The following CNGB3 variants were observed in gnomAD, a reference collection of about 807,000 sequenced individuals.
CNGB3 encodes cyclic nucleotide-gated channel beta-3.
In CNGB3, 86 loss-of-function variants were observed where a neutral mutation model predicts 92.8. That is an observed-to-expected ratio of 0.93 (90% CI 0.78 to 1.11). CNGB3 has a LOEUF of 1.11. Among genes scored for constraint, CNGB3 ranks in the 50% least tolerant of loss-of-function variants. The pLI is 0.00. For missense variants in CNGB3, 1,026 were observed against 956.8 expected (o/e 1.07, Z -0.95); for synonymous variants, 333 against 332.7 (o/e 1.00, Z -0.01).
Position 86,709,279 on chromosome 8 carries a change from T to G in CNGB3, c.338+17252A>C, listed in dbSNP as rs1236274299. Among the ~76,000 whole-genome samples, 8 of 152,212 alleles carry G rather than the reference T, an allele frequency of 5.3e-5. No homozygotes were observed. The East Asian group carries it at 1.5e-3, about 29-fold the overall frequency. On this transcript the variant is annotated intron_variant, in intron 3 of 17. Transcript: ENST00000320005. Reference sequence around the variant, plus strand: ...CACAGACACATGTTACATTTGCCGGTGGAAGCATGTGGATTTTTTCCTCTA... The same window carrying G: ...CACAGACACATGTTACATTTGCCGGGGGAAGCATGTGGATTTTTTCCTCTA...
At chr8:86,733,810 G>C (rs1825199592) in intron 2 of CNGB3, among the ~76,000 whole-genome samples, 1 of 152,104 alleles carries the variant, frequency 6.6e-6, no homozygotes, top group Non-Finnish European at 1.5e-5. Flanking sequence ...CTGAAGAGTG[G>C]TTTCCTATTT....
chr8:86,712,504 A>G (rs1824767669), intron 3 of CNGB3, among the ~76,000 whole-genome samples: 1 of 152,068 alleles, frequency 6.6e-6, no homozygotes, highest in Non-Finnish European at 1.5e-5. Context: ...AGATTTTTCC[A>G]TATGGCTACT....
At position 86,576,075 on chromosome 8, in the gene CNGB3, T is replaced by A. The variant is rs112573107; in HGVS notation, c.2159A>T (p.Gln720Leu). The change falls in exon 18 of 18, where the codon CAA (glutamine) becomes CTA (leucine). Residue 720 changes from glutamine to leucine, a missense_variant. Coordinates refer to ENST00000320005, the MANE Select transcript of CNGB3 (RefSeq NM_019098.5). ...EEEGKENEDK[Q>L]KENEDKQKEN... ...TTTTTGTTTATCTTCATTTTCTTTT[T>A]GTTTATCTTCATTTTCTTTTCCTTC... 3.1e-6 allele frequency: 5 copies of A among 1,602,020 alleles called. No individual in the cohort carries two copies. The highest frequency in any genetic ancestry group is 4.3e-6 in the Non-Finnish European group (5 of 1,174,530).
rs1199683568 is a variant in CNGB3 at position 86,604,117 on chromosome 8, G to C, written c.1757C>G (p.Ala586Gly). ...DGTKVLVTLK[A>G]GSVFGEISLL... is the part of the protein sequence containing the mutation. ...CCTGATTTCTCCAAACACCGACCCA[G>C]CTTTCAGAGTAACCAGAACTTTAGT... Residue 586 changes from alanine (A) to glycine (G), a missense_variant, in exon 15 of 18, where the codon GCT becomes GGT. Coordinates refer to ENST00000320005, the MANE Select transcript of CNGB3 (RefSeq NM_019098.5). The C allele has an allele frequency of 1.2e-6, 2 of 1,612,532 alleles. No homozygotes were observed. Among genetic ancestry groups the C allele is most frequent in the South Asian group, 2.2e-5 (2 of 91,042 alleles).
At chr8:86,709,188 C>A (rs1824705185) in intron 3 of CNGB3, among the ~76,000 whole-genome samples, 1 of 152,062 alleles carries the variant, frequency 6.6e-6, no homozygotes, top group South Asian at 2.1e-4. Flanking sequence ...AGGAGGTGGC[C>A]TTAGATGCAA....
intron 15 of CNGB3, among the ~76,000 whole-genome samples, chr8:86,595,651 A>T (rs1305277075): frequency 6.6e-6 from 1 of 152,134 alleles, no homozygotes; most frequent in Non-Finnish European, 1.5e-5. Flanking sequence ...CTCTGCTCAT[A>T]CTTTTAATCT....
intron 3 of CNGB3, among the ~76,000 whole-genome samples, chr8:86,726,283 T>G (rs1466469188): frequency 1.3e-5 from 2 of 152,176 alleles, no homozygotes; most frequent in Non-Finnish European, 2.9e-5. Context: ...AGCAATATTT[T>G]TGTTGTGATT....
intron 15 of CNGB3, among the ~76,000 whole-genome samples, chr8:86,588,450 A>G (rs1821942883): frequency 7.2e-6 from 1 of 139,116 alleles, no homozygotes; most frequent in African/African-American, 2.8e-5. Flanking sequence ...GTTTTTGCCC[A>G]TTCAGTATGA....
In CNGB3 at chr8:86,601,520, AT is replaced by A. The variant is rs201798305; in HGVS notation, c.1781+2572del. On this transcript the variant is annotated intron_variant, in intron 15 of 17. Transcript: ENST00000320005. The stretch of plus-strand genomic sequence containing the variant: ...TTGAAAGCCCTTAATGTTTTTCTTT[AT>A]TTTTTTTTTTCCTGAGGAAAAAGAA... 5.6e-4 allele frequency among the ~76,000 whole-genome samples: 82 copies of A among 146,778 alleles called. No homozygotes were observed. In the South Asian group the frequency reaches 7.3e-3, roughly 13 times the overall value.
rs544264326 is a variant in CNGB3 at position 86,667,072 on chromosome 8, A to G, written c.705T>C (p.Phe235=). 1.9e-5 allele frequency: 31 copies of G among 1,614,096 alleles called. No individual in the cohort carries two copies. The highest frequency in any genetic ancestry group is 2.3e-5 in the Non-Finnish European group (27 of 1,179,990). The change falls in exon 6 of 18, where the codon TTT becomes TTC. Residue 235 remains phenylalanine, a synonymous_variant. Coordinates refer to ENST00000320005, the MANE Select transcript of CNGB3 (RefSeq NM_019098.5). ...ATGGGAAGACGAGGCGCAGTGGTAT[A>G]AAACAGCAGTTCCAGTTATAGGCAA... The part of the protein sequence containing the change: ...VTLAYNWNCC[F]IPLRLVFPYQ...
chr8:86,688,208 A>C (rs893011617), intron 3 of CNGB3, among the ~76,000 whole-genome samples: 6 of 152,018 alleles, frequency 3.9e-5, no homozygotes, highest in Non-Finnish European at 1.5e-5. Flanking sequence ...TCAACTGGGA[A>C]GATTTTTATT....
chr8:86,584,078 AG>A (rs1441100856), intron 15 of CNGB3, among the ~76,000 whole-genome samples: 3 of 152,200 alleles, frequency 2.0e-5, no homozygotes, highest in Non-Finnish European at 4.4e-5. Context: ...TCTTAAGACA[AG>A]CTCCACCTTT....
rs148318683 is a variant in CNGB3 at position 86,592,753 on chromosome 8, A to G, written c.1781+11340T>C. On this transcript the variant is annotated intron_variant, in intron 15 of 17. Coordinates refer to ENST00000320005, the MANE Select transcript of CNGB3 (RefSeq NM_019098.5). ...ATCAATGGAAAGAACATCATATTCA[A>G]TGCTGAGTAAGGGATTAAAACTCCA... Among the ~76,000 whole-genome samples the G allele has an allele frequency of 2.3e-3, 350 of 152,348 alleles. 2 individuals carry two copies. The highest frequency in any genetic ancestry group is 0.013 in the South Asian group (65 of 4,830).
Position 86,604,110 on chromosome 8 carries a change from C to T in CNGB3, c.1764G>A (p.Ser588=), listed in dbSNP as rs781749103. 47 of 1,611,220 alleles carry T rather than the reference C, an allele frequency of 2.9e-5. No homozygotes were observed. The highest frequency in any genetic ancestry group is 1.6e-4 in the Middle Eastern group (1 of 6,080). ...TCAGATACCTGATTTCTCCAAACAC[C>T]GACCCAGCTTTCAGAGTAACCAGAA... ...TKVLVTLKAG[S]VFGEISLLAA... Residue 588 remains serine (S), a synonymous_variant, in exon 15 of 18, where the codon TCG becomes TCA. Coordinates refer to ENST00000320005, the MANE Select transcript of CNGB3 (RefSeq NM_019098.5).
chr8:86,742,895 G>A (rs10107915), intron 1 of CNGB3, among the ~76,000 whole-genome samples: 48,826 of 151,960 alleles, frequency 0.32, 8,108 homozygotes, highest in South Asian at 0.42. Context: ...CTTGTTTAAA[G>A]TTCCTCCACC....
At chr8:86,659,492 G>A (rs1379248550) in intron 6 of CNGB3, 1 of 608,642 alleles carries the variant, frequency 1.6e-6, no homozygotes, top group Non-Finnish European at 3.0e-6. Context: ...TCTGAGTTCT[G>A]TGGCTTCAGA....
At position 86,710,680 on chromosome 8, in the gene CNGB3, C is replaced by G. The variant is rs535505668; in HGVS notation, c.338+15851G>C. Among the ~76,000 whole-genome samples the G allele has an allele frequency of 1.6e-3, 245 of 152,112 alleles. 1 individual carries two copies. The highest frequency in any genetic ancestry group is 2.7e-3 in the Non-Finnish European group (183 of 68,032). ...AAAAACATTCTATTACCACGGAAGA[C>G]TGCTTATTAAATCCTGTCAGACAAA... is the stretch of plus-strand genomic sequence containing the variant. On this transcript the variant is annotated intron_variant, in intron 3 of 17. Coordinates refer to ENST00000320005, the MANE Select transcript of CNGB3 (RefSeq NM_019098.5).
chr8:86,683,323 C>T (rs558765430), intron 3 of CNGB3, among the ~76,000 whole-genome samples: 1 of 152,040 alleles, frequency 6.6e-6, no homozygotes, highest in Non-Finnish European at 1.5e-5. Flanking sequence ...TCTGAATGCA[C>T]TAAAGAGCCA....
At chr8:86,588,279 T>G (rs1348891059) in intron 15 of CNGB3, among the ~76,000 whole-genome samples, 1 of 142,662 alleles carries the variant, frequency 7.0e-6, no homozygotes, top group Non-Finnish European at 1.5e-5. Flanking sequence ...TCATGTCATC[T>G]GCAAACAGGG....
Sources: allele counts gnomAD v4.1 joint callset (sites outside exome capture counted in the v4.1 genomes callset), GRCh38; gene constraint gnomAD v4.1.1; transcripts MANE v1.5; gene names NCBI Gene and HGNC (gene_info 2026-07-23, HGNC 2026-07-21).